PACRG: variants seen among roughly 807,000 people sequenced by gnomAD.
PACRG encodes the protein parkin coregulated, also known as parkin coregulated gene protein.
Under a neutral mutation model 29.7 loss-of-function variants are expected in PACRG, and 29 were observed. The ratio of observed to expected loss-of-function variants is 0.98; its 90% CI spans 0.73 to 1.33. The LOEUF is 1.33. Among genes scored for constraint, PACRG ranks in the 40% most tolerant of loss-of-function variants. PACRG has a pLI of 0.00. For missense variants in PACRG, 279 were observed against 316.2 expected, an observed-to-expected ratio of 0.88 and a Z score of 0.89; for synonymous variants, 116 against 118.7, an observed-to-expected ratio of 0.98 and a Z score of 0.15.
At chr6:163,173,011 C>T (rs1273338639) in intron 4 of PACRG, among the ~76,000 whole-genome samples, 1 of 152,068 alleles carries the variant, frequency 6.6e-6, no homozygotes, top group Non-Finnish European at 1.5e-5. Flanking sequence ...TATCTAAGAA[C>T]ATGATAAAAT....
chr6:163,283,127 G>A (rs1784275300), intron 4 of PACRG, among the ~76,000 whole-genome samples: 1 of 152,190 alleles, frequency 6.6e-6, no homozygotes, highest in African/African-American at 2.4e-5. Flanking sequence ...TCAAAATCAA[G>A]TTTTAGATTA....
intron 1 of PACRG, among the ~76,000 whole-genome samples, chr6:162,755,037 G>A (rs1584249331): frequency 1.3e-5 from 2 of 152,052 alleles, no homozygotes; most frequent in East Asian, 3.9e-4. Context: ...TATGTGTCTA[G>A]GAATTTATCC....
intron 2 of PACRG, among the ~76,000 whole-genome samples, chr6:162,958,856 T>TAGAGC (rs1800295919): frequency 2.2e-5 from 1 of 44,888 alleles, no homozygotes; most frequent in South Asian, 9.0e-4. Context: ...AGAGCATATA[T>TAGAGC]ATATATATAT....
At chr6:163,085,936 A>C (rs1813517573) in intron 3 of PACRG, among the ~76,000 whole-genome samples, 1 of 152,226 alleles carries the variant, frequency 6.6e-6, no homozygotes, top group Admixed American at 6.5e-5. Context: ...CATGTAATGC[A>C]TGCACTCTCA....
At chr6:162,785,570 G>C (rs1477322852) in intron 1 of PACRG, among the ~76,000 whole-genome samples, 1 of 151,966 alleles carries the variant, frequency 6.6e-6, no homozygotes, top group Non-Finnish European at 1.5e-5. Context: ...AGACGGCCAG[G>C]GGGTGAAGGG....
intron 1 of PACRG, among the ~76,000 whole-genome samples, chr6:162,749,517 A>T (rs753115038): frequency 6.6e-6 from 1 of 151,976 alleles, no homozygotes; most frequent in Non-Finnish European, 1.5e-5. Context: ...AAAAGGAAAC[A>T]TATTTCTTTT....
chr6:163,078,505 G>A (rs561041624), intron 3 of PACRG, among the ~76,000 whole-genome samples: 1 of 151,822 alleles, frequency 6.6e-6, no homozygotes, highest in Non-Finnish European at 1.5e-5. Flanking sequence ...AAAAAAAAAG[G>A]GGGGGAGGGG....
chr6:162,959,995 CAT>C (rs1184024250), intron 2 of PACRG, among the ~76,000 whole-genome samples: 2 of 152,214 alleles, frequency 1.3e-5, no homozygotes, highest in Admixed American at 6.5e-5. Context: ...AGCCAACAAA[CAT>C]ATGAAAAATG....
chr6:163,062,006 G>A (rs1176589325), intron 2 of PACRG, 144 bp from the exon 3 acceptor site: 1 of 726,408 alleles, frequency 1.4e-6, no homozygotes, highest in Non-Finnish European at 2.3e-6. Flanking sequence ...CATACTTCAG[G>A]TCATTAGGGG....
chr6:162,951,669 T>C (rs1158813838), intron 2 of PACRG, among the ~76,000 whole-genome samples: 1 of 152,244 alleles, frequency 6.6e-6, no homozygotes, highest in Non-Finnish European at 1.5e-5. Flanking sequence ...AGAGTCTGTT[T>C]TGTCTTTCAG....
At chr6:163,241,711 G>T (rs1782514398) in intron 4 of PACRG, among the ~76,000 whole-genome samples, 1 of 152,200 alleles carries the variant, frequency 6.6e-6, no homozygotes, top group South Asian at 2.1e-4. Flanking sequence ...TATAGCTTTT[G>T]AATGGAGAAG....
intron 2 of PACRG, among the ~76,000 whole-genome samples, chr6:163,038,235 C>T (rs938924222): frequency 6.6e-6 from 1 of 152,062 alleles, no homozygotes; most frequent in South Asian, 2.1e-4. Context: ...AGTATGATTT[C>T]ATAAAGAATA....
chr6:162,736,676 T>C (rs919817624), intron 1 of PACRG, among the ~76,000 whole-genome samples: 1 of 151,896 alleles, frequency 6.6e-6, no homozygotes, highest in South Asian at 2.1e-4. Flanking sequence ...TAAATAATTA[T>C]GTTGTAAGTT....
At chr6:162,986,323 C>T (rs1303162210) in intron 2 of PACRG, among the ~76,000 whole-genome samples, 1 of 152,060 alleles carries the variant, frequency 6.6e-6, no homozygotes, top group Non-Finnish European at 1.5e-5. Context: ...ACTATAAGGC[C>T]ATAGTCACCA....
intron 1 of PACRG, among the ~76,000 whole-genome samples, chr6:162,804,231 A>G (rs1391125404): frequency 6.6e-6 from 1 of 152,206 alleles, no homozygotes; most frequent in Non-Finnish European, 1.5e-5. Context: ...CTTATTATTT[A>G]TATGATTTAA....
intron 2 of PACRG, among the ~76,000 whole-genome samples, chr6:162,964,529 C>A (rs1009840022): frequency 1.3e-5 from 2 of 152,128 alleles, no homozygotes; most frequent in Non-Finnish European, 2.9e-5. Flanking sequence ...CCTATGAAGG[C>A]TGGAAGGAAG....
chr6:162,913,727 A>G (rs1412692774), intron 2 of PACRG, among the ~76,000 whole-genome samples: 1 of 152,212 alleles, frequency 6.6e-6, no homozygotes, highest in African/African-American at 2.4e-5. Flanking sequence ...ACCACTTGGT[A>G]TAGTCAATCC....
intron 1 of PACRG, among the ~76,000 whole-genome samples, chr6:162,766,338 G>A (rs1043356186): frequency 7.2e-5 from 11 of 151,966 alleles, no homozygotes; most frequent in Non-Finnish European, 1.0e-4. Context: ...GGCTTATTTC[G>A]CTTGATGTTT....
chr6:162,824,975 T>C (rs1788154932), intron 2 of PACRG, among the ~76,000 whole-genome samples: 1 of 152,234 alleles, frequency 6.6e-6, no homozygotes, highest in Admixed American at 6.5e-5. Flanking sequence ...CTTTTCAAAT[T>C]GAGAGTCTCT....
Sources: gnomAD v4.1 joint callset for allele counts (sites outside exome capture counted in the v4.1 genomes callset) on GRCh38, gnomAD v4.1.1 for gene constraint, MANE v1.5 for transcripts, NCBI Gene and HGNC (gene_info 2026-07-23, HGNC 2026-07-21) for gene names.